Variants in CFAP251 observed in about 807,000 individuals in gnomAD.
CFAP251 encodes the protein cilia- and flagella-associated protein 251.
A neutral mutation model predicts 126.7 loss-of-function variants in CFAP251; 93 were observed. That is an observed-to-expected ratio of 0.73 (90% CI 0.62 to 0.87). The LOEUF (loss-of-function observed/expected upper bound fraction) is 0.87. CFAP251 is among the 40% of genes least tolerant of loss of function. The probability of loss-of-function intolerance (pLI) is 0.00; values close to 1 mark genes in which losing one functional copy is unlikely to be tolerated. For missense variants in CFAP251, 1,287 were observed against 1,389.2 expected, an observed-to-expected ratio of 0.93 and a Z score of 1.17; for synonymous variants, 503 against 506.9, an observed-to-expected ratio of 0.99 and a Z score of 0.10.
At chr12:121,959,527 A>G in intron 13 of CFAP251, 1 of 156,754 alleles carries the variant, frequency 6.4e-6, no homozygotes, top group Non-Finnish European at 1.4e-5. Flanking sequence ...ACGCTTCTGA[A>G]GCCAAAGCTG....
chr12:122,000,360 T>G (rs1272578710), intron 20 of CFAP251, among the ~76,000 whole-genome samples: 1 of 152,062 alleles, frequency 6.6e-6, no homozygotes, highest in Non-Finnish European at 1.5e-5. Context: ...AAGACCAGCC[T>G]GGCCAACACA....
chr12:121,961,709 C>T (rs1881945778), intron 14 of CFAP251, among the ~76,000 whole-genome samples: 1 of 152,236 alleles, frequency 6.6e-6, no homozygotes, highest in Non-Finnish European at 1.5e-5. Context: ...CAGAACAGTA[C>T]CCCTTTGCAG....
intron 20 of CFAP251, among the ~76,000 whole-genome samples, chr12:122,001,205 G>A (rs569070649): frequency 6.6e-6 from 1 of 151,082 alleles, no homozygotes; most frequent in Admixed American, 6.6e-5. Context: ...TACAGGCCGC[G>A]CCACCACACC....
chr12:121,998,283 C>G (rs1252834860), intron 19 of CFAP251: 1 of 151,324 alleles, frequency 6.6e-6, no homozygotes. Context: ...AACTCCTGGC[C>G]TCAAGCAATC....
chr12:121,928,653 TATAC>T (rs1282341048), intron 3 of CFAP251, among the ~76,000 whole-genome samples: 1,903 of 36,856 alleles, frequency 0.052, 149 homozygotes, highest in African/African-American at 0.081. Context: ...TATATATATA[TATAC>T]GTATATATAT....
At chr12:121,952,240 T>TAAAAAAAAAAAAAAAAAAA (rs558861973) in intron 9 of CFAP251, among the ~76,000 whole-genome samples, 7 of 92,084 alleles carry the variant, frequency 7.6e-5, no homozygotes, top group Non-Finnish European at 5.6e-5. Flanking sequence ...TCGTTTCTAC[T>TAAAAAAAAAAAAAAAAAAA]AAAAAAAAAA....
intron 17 of CFAP251, among the ~76,000 whole-genome samples, chr12:121,972,740 G>A (rs191700011): frequency 7.0e-4 from 107 of 152,142 alleles, no homozygotes; most frequent in African/African-American, 2.3e-3. Flanking sequence ...CACCTGCCTC[G>A]GCCTCCCAAA....
intron 19 of CFAP251, among the ~76,000 whole-genome samples, chr12:121,982,770 GAGAA>G (rs1047022827): frequency 2.6e-5 from 4 of 152,132 alleles, no homozygotes. Flanking sequence ...CAAAATACTT[GAGAA>G]AGAGGGTGGG....
chr12:121,963,904 G>A (rs1882034235), intron 15 of CFAP251, among the ~76,000 whole-genome samples: 1 of 151,874 alleles, frequency 6.6e-6, no homozygotes, highest in African/African-American at 2.4e-5. Flanking sequence ...CCCTGGAGGG[G>A]AGCTTCTGCC....
At chr12:121,953,694 C>T (rs1881612434) in intron 9 of CFAP251, 1 of 178,996 alleles carries the variant, frequency 5.6e-6, no homozygotes, top group Admixed American at 5.4e-5. Context: ...ATGTACAGTG[C>T]TTAAATATTT....
intron 17 of CFAP251, chr12:121,968,750 T>C (rs939158751): frequency 1.4e-5 from 4 of 284,036 alleles, no homozygotes; most frequent in Non-Finnish European, 2.1e-5. Flanking sequence ...GGTGATAGCA[T>C]GTGAAATGGG....
At chr12:121,922,801 CT>C (rs1880241193) in intron 2 of CFAP251, among the ~76,000 whole-genome samples, 1 of 151,860 alleles carries the variant, frequency 6.6e-6, no homozygotes, top group Non-Finnish European at 1.5e-5. Context: ...TTTCTTTTTT[CT>C]TTTTTGAGAC....
At chr12:121,998,889 C>CAAAAAAAAAAAAA (rs60289920) in intron 19 of CFAP251, 13 of 30,600 alleles carry the variant, frequency 4.2e-4, no homozygotes, top group African/African-American at 1.3e-3. Flanking sequence ...GACCCTGTAT[C>CAAAAAAAAAAAAA]AAAAAAAAAA....
At chr12:121,922,385 C>A (rs1315642126) in intron 2 of CFAP251, among the ~76,000 whole-genome samples, 2 of 151,984 alleles carry the variant, frequency 1.3e-5, no homozygotes, top group Non-Finnish European at 2.9e-5. Context: ...GCTAGGAGCC[C>A]CTGCACCTGG....
At chr12:121,927,675 G>T (rs764908954) in intron 3 of CFAP251, among the ~76,000 whole-genome samples, 1 of 152,092 alleles carries the variant, frequency 6.6e-6, no homozygotes, top group African/African-American at 2.4e-5. Flanking sequence ...GTCACACAAG[G>T]TCCTACAGTG....
intron 19 of CFAP251, among the ~76,000 whole-genome samples, chr12:121,982,232 T>C (rs1882639066): frequency 6.6e-6 from 1 of 151,968 alleles, no homozygotes; most frequent in Non-Finnish European, 1.5e-5. Flanking sequence ...TAAGAGGCAG[T>C]GTCTCACTCT....
In CFAP251 at chr12:121,954,332, T is replaced by C. The variant is rs576781184; in HGVS notation, c.1533T>C (p.Asp511=). 3.5e-4 allele frequency: 554 copies of C among 1,601,764 alleles called. 3 individuals carry two copies. The South Asian group carries it at 6.0e-3, about 17-fold the overall frequency. The change falls in exon 10 of 22, where the codon GAT becomes GAC. Residue 511 remains aspartate, a splice_region_variant and synonymous_variant. Coordinates refer to ENST00000288912, the MANE Select transcript of CFAP251 (RefSeq NM_144668.6). ...GTATCACGGTACTTACCACAATTGA[T>C]AGGTAATTTTAACTTAATTAAAAGA... The part of the protein sequence containing the change: ...KEGITVLTTI[D]SYIVTGDIKG...
In CFAP251 at chr12:121,957,220, C is replaced by T. The variant is rs1297226679; in HGVS notation, c.1682C>T (p.Ser561Leu). 6.2e-7 allele frequency: 1 copy of T among 1,613,872 alleles called. No individual in the cohort carries two copies. Among genetic ancestry groups the T allele is most frequent in the East Asian group, 2.2e-5 (1 of 44,878 alleles). ...CCAGCAACTCCTCCTACTGAAAAAT[C>T]AAACTATCCTCCTGACTGCACTTTA... Reference protein sequence around the residue: ...KTPATPPTEKSNYPPDCTLKG... With the variant: ...KTPATPPTEKLNYPPDCTLKG... Residue 561 changes from serine to leucine, a missense_variant, in exon 11 of 22, where the codon TCA becomes TTA. By Grantham distance (145) the Ser-to-Leu change is moderately radical. Transcript: ENST00000288912.
rs1428885789 is a variant in CFAP251, at chr12:121,954,276, C to G, written c.1477C>G (p.Pro493Ala). The change falls in exon 10 of 22, where the codon CCT (proline) becomes GCT (alanine). Residue 493 changes from proline (P) to alanine (A), a missense_variant. Pro to Ala is a conservative substitution (Grantham distance 27). Coordinates refer to ENST00000288912, the MANE Select transcript of CFAP251 (RefSeq NM_144668.6). Reference sequence around the variant, plus strand: ...CTTTTTGGGCTTTCCCTATATCAAGCCTTGTAAATTGGTTCATTTGCAGAA... The same window carrying G: ...CTTTTTGGGCTTTCCCTATATCAAGGCTTGTAAATTGGTTCATTTGCAGAA... ...STFLGFPYIK[P>A]CKLVHLQKEG... 1.2e-6 allele frequency: 2 copies of G among 1,614,132 alleles called. No homozygotes were observed. Among genetic ancestry groups the G allele is most frequent in the Middle Eastern group, 1.7e-4 (1 of 6,060 alleles).
Sources: allele counts gnomAD v4.1 joint callset (sites outside exome capture counted in the v4.1 genomes callset), GRCh38; gene constraint gnomAD v4.1.1; transcripts MANE v1.5; gene names NCBI Gene and HGNC (gene_info 2026-07-23, HGNC 2026-07-21).